Variants in MAPK10 observed in about 807,000 individuals in gnomAD.
The protein encoded by MAPK10 is mitogen-activated protein kinase 10.
A neutral mutation model predicts 59.3 loss-of-function variants in MAPK10; 25 were observed. The ratio of observed to expected loss-of-function variants is 0.42; its 90% confidence interval spans 0.31 to 0.59. MAPK10 has a LOEUF of 0.59. Among genes scored for constraint, MAPK10 ranks in the 20% least tolerant of loss-of-function variants. MAPK10 has a pLI of 0.15. For synonymous variants in MAPK10, 190 were observed against 200.5 expected, an observed-to-expected ratio of 0.95 and a Z score of 0.44; for missense variants, 351 against 568.9, an observed-to-expected ratio of 0.62 and a Z score of 3.90.
intron 2 of MAPK10, among the ~76,000 whole-genome samples, chr4:86,279,854 G>T (rs899709028): frequency 1.3e-5 from 2 of 151,918 alleles, no homozygotes; most frequent in African/African-American, 4.9e-5. Flanking sequence ...TGACTACGTT[G>T]TTTCCCGCCC....
intron 3 of MAPK10, among the ~76,000 whole-genome samples, chr4:86,182,606 A>C (rs1278213468): frequency 1.3e-5 from 2 of 152,164 alleles, no homozygotes; most frequent in East Asian, 3.9e-4. Context: ...AGAAGCTTCC[A>C]AGGAACATAG....
chr4:86,536,802 T>C (rs1758276402), intron 1 of MAPK10, among the ~76,000 whole-genome samples: 1 of 152,188 alleles, frequency 6.6e-6, no homozygotes, highest in Non-Finnish European at 1.5e-5. Context: ...AAAAAGACAA[T>C]AGTAAAAATG....
intron 2 of MAPK10, among the ~76,000 whole-genome samples, chr4:86,295,381 C>T (rs2095334039): frequency 6.6e-6 from 1 of 152,092 alleles, no homozygotes. Flanking sequence ...TCCTTAACCT[C>T]CTTCCCAGCT....
At chr4:86,315,210 AGATAAGAGTAGAAGGATGGTT>A (rs2095756264) in intron 2 of MAPK10, among the ~76,000 whole-genome samples, 1 of 151,956 alleles carries the variant, frequency 6.6e-6, no homozygotes, top group East Asian at 1.9e-4. Flanking sequence ...GAACTCATGG[AGATAAGAGTAGAAGGATGGTT>A]ACCAGAGGGT....
chr4:86,033,277 T>C (rs2039474170), intron 11 of MAPK10, among the ~76,000 whole-genome samples: 2 of 152,234 alleles, frequency 1.3e-5, no homozygotes, highest in Non-Finnish European at 2.9e-5. Context: ...TTCCTGAGCA[T>C]GTATAATGCT....
At chr4:86,546,894 A>C (rs1463759853) in intron 1 of MAPK10, among the ~76,000 whole-genome samples, 1 of 151,946 alleles carries the variant, frequency 6.6e-6, no homozygotes, top group Non-Finnish European at 1.5e-5. Flanking sequence ...ATCTCTACTA[A>C]ATATACAAAA....
At chr4:86,118,817 T>C (rs1046861975) in intron 4 of MAPK10, among the ~76,000 whole-genome samples, 1 of 152,220 alleles carries the variant, frequency 6.6e-6, no homozygotes, top group Non-Finnish European at 1.5e-5. Context: ...TAAGCATTAC[T>C]GGAGCATCTT....
At chr4:86,271,661 G>A (rs1374268693) in intron 2 of MAPK10, among the ~76,000 whole-genome samples, 6 of 151,834 alleles carry the variant, frequency 4.0e-5, no homozygotes, top group Non-Finnish European at 8.8e-5. Flanking sequence ...CAGTTCCACA[G>A]GGCTTGGGAG....
At chr4:86,555,751 T>C (rs1578106113) in intron 1 of MAPK10, among the ~76,000 whole-genome samples, 1 of 152,200 alleles carries the variant, frequency 6.6e-6, no homozygotes, top group African/African-American at 2.4e-5. Context: ...ACTTTAAATT[T>C]GTTCCTTATT....
chr4:86,463,480 C>G (rs1407767284), intron 1 of MAPK10, among the ~76,000 whole-genome samples: 6 of 152,154 alleles, frequency 3.9e-5, no homozygotes, highest in Admixed American at 3.9e-4. Flanking sequence ...GGATGATATA[C>G]TTTGTGCTGC....
chr4:86,515,350 C>T (rs1756572618), intron 1 of MAPK10, among the ~76,000 whole-genome samples: 1 of 152,160 alleles, frequency 6.6e-6, no homozygotes, highest in South Asian at 2.1e-4. Flanking sequence ...GTTAGATACC[C>T]AGTAGTGAGA....
chr4:86,283,535 AT>A (rs770719900), intron 2 of MAPK10, among the ~76,000 whole-genome samples: 23 of 152,188 alleles, frequency 1.5e-4, no homozygotes, highest in Non-Finnish European at 2.8e-4. Flanking sequence ...ACTTTGAAGG[AT>A]TTATAATCTG....
chr4:86,243,182 G>GT (rs377335957), intron 2 of MAPK10, among the ~76,000 whole-genome samples: 49 of 151,658 alleles, frequency 3.2e-4, no homozygotes, highest in East Asian at 7.7e-4. Flanking sequence ...CGTTTATTAT[G>GT]TTTTTTTTTC....
At chr4:86,365,815 C>G (rs565076313) in intron 1 of MAPK10, among the ~76,000 whole-genome samples, 1 of 152,214 alleles carries the variant, frequency 6.6e-6, no homozygotes, top group East Asian at 1.9e-4. Flanking sequence ...ATATAGAAGT[C>G]TGACTTGAAT....
Position 86,212,366 on chromosome 4 carries a change from T to C in MAPK10, c.-6-17959A>G, listed in dbSNP as rs574919773. Among the ~76,000 whole-genome samples the C allele has an allele frequency of 9.9e-5, 15 of 151,482 alleles. No homozygotes were observed. The South Asian group carries it at 2.9e-3, about 30-fold the overall frequency. On this transcript the variant is annotated intron_variant, in intron 2 of 13. Transcript: ENST00000641462. Reference sequence around the variant, plus strand: ...GACCTTGTCTGTACAAAAAAAAAATTATAAAATTAGCTGGGTATGGTGGTG... The same window carrying C: ...GACCTTGTCTGTACAAAAAAAAAATCATAAAATTAGCTGGGTATGGTGGTG...
At chr4:86,081,190 A>C (rs1364013677) in intron 9 of MAPK10, 2 of 152,054 alleles carry the variant, frequency 1.3e-5, no homozygotes, top group African/African-American at 4.8e-5. Context: ...TTAGTCAATA[A>C]ATGAAACTGG....
At chr4:86,540,359 G>A (rs1484442733) in intron 1 of MAPK10, among the ~76,000 whole-genome samples, 1 of 152,016 alleles carries the variant, frequency 6.6e-6, no homozygotes, top group Non-Finnish European at 1.5e-5. Flanking sequence ...AATTAGCCGG[G>A]TATGGTGTCG....
chr4:86,074,638 C>G (rs145955890), intron 9 of MAPK10, among the ~76,000 whole-genome samples: 3,505 of 137,324 alleles, frequency 0.026, 221 homozygotes, highest in African/African-American at 0.096. Flanking sequence ...TATTTTATTT[C>G]TCCTTCACTT....
chr4:86,109,874 G>A (rs1430170599), intron 4 of MAPK10, among the ~76,000 whole-genome samples: 5 of 151,586 alleles, frequency 3.3e-5, no homozygotes, highest in South Asian at 2.1e-4. Context: ...ATCCCTATCC[G>A]CAGCCTTGCC....
Sources: gnomAD v4.1 joint callset for allele counts (sites outside exome capture counted in the v4.1 genomes callset) on GRCh38, gnomAD v4.1.1 for gene constraint, MANE v1.5 for transcripts, NCBI Gene and HGNC (gene_info 2026-07-23, HGNC 2026-07-21) for gene names.